The following RRAS variants were observed in gnomAD, a reference collection of about 807,000 sequenced individuals.
The protein encoded by RRAS is ras-related protein R-Ras.
RRAS carries 18 observed loss-of-function variants against 23.3 expected under a neutral mutation model. The observed-to-expected ratio is 0.77, with a 90% CI of 0.53 to 1.15. The LOEUF (loss-of-function observed/expected upper bound fraction) is 1.15. Among genes scored for constraint, RRAS ranks in the 50% most tolerant of loss-of-function variants. The pLI is 0.00. For missense variants in RRAS, 291 were observed against 317.1 expected (o/e 0.92, Z 0.62); for synonymous variants, 133 against 138.3 (o/e 0.96, Z 0.27).
chr19:49,635,579 C>T lies in RRAS; in HGVS notation c.654G>A (p.Leu218=), dbSNP rs200091732. The T allele has an allele frequency of 2.8e-6, 4 of 1,439,812 alleles. No homozygotes were observed. Among genetic ancestry groups the T allele is most frequent in the Non-Finnish European group, 3.7e-6 (4 of 1,088,100 alleles). 89.2% of individuals were successfully genotyped at this position (1,439,812 alleles called of 1,614,324 possible). A position where few individuals can be genotyped will look rare whatever the true frequency, so the allele number is the denominator to read the frequency against. ...GGTTGCTTCTCTCTTGCCTGGGCTA[C>T]AGGAGGACGCAGGGGCAGCCCCCGC... is the stretch of plus-strand genomic sequence containing the variant. The part of the protein sequence containing the change: ...KKGGGCPCVL[L] The change falls in exon 6 of 6, where the codon CTG becomes CTA. Residue 218 remains leucine (L), a synonymous_variant. Coordinates refer to ENST00000246792, the MANE Select transcript of RRAS (RefSeq NM_006270.5).
chr19:49,636,927 C>T lies in RRAS; in HGVS notation c.242-1G>A. On this transcript the variant is annotated splice_acceptor_variant, in intron 2 of 5. Coordinates refer to ENST00000246792, the MANE Select transcript of RRAS (RefSeq NM_006270.5). LOFTEE classifies it high-confidence loss of function. The surrounding 1 kb of genome is among the most constrained non-coding windows in gnomAD (Gnocchi z 4.5). ...TCTTCCTGGCCCGCGGTGTCCAGGA[C>T]TGCAGAGACAGGGAGAGGGGCCATC... 6.2e-7 allele frequency: 1 copy of T among 1,613,178 alleles called. No homozygotes were observed. The highest frequency in any genetic ancestry group is 8.5e-7 in the Non-Finnish European group (1 of 1,179,788).
chr19:49,637,008 C>T, intron 2 of RRAS, 35 bp downstream of exon 2: 1 of 1,608,774 alleles, frequency 6.2e-7, no homozygotes, highest in Non-Finnish European at 8.5e-7. Context: ...CCACTGACAC[C>T]ACCCCCATCC....
Position 49,640,030 on chromosome 19 carries a change from G to C in RRAS, c.69C>G (p.Asp23Glu). ...GCTTGTGTGTCTCGCTGGGCGGGGG[G>C]TCCCCGGGCCCAGGTCCCCCGCCCC... ...RPRGGGPGPG[D>E]PPPSETHKLV... Residue 23 changes from aspartate (D) to glutamate (E), a missense_variant, in exon 1 of 6, where the codon GAC (aspartate) becomes GAG (glutamate). Asp to Glu is a conservative substitution (Grantham distance 45). Transcript: ENST00000246792. 10 of 1,545,414 alleles carry C rather than the reference G, an allele frequency of 6.5e-6. No individual in the cohort carries two copies. Among genetic ancestry groups the C allele is most frequent in the Non-Finnish European group, 8.7e-6 (10 of 1,154,518 alleles).
At chr19:49,639,127 G>C (rs1400013768) in intron 1 of RRAS, among the ~76,000 whole-genome samples, 1 of 152,090 alleles carries the variant, frequency 6.6e-6, no homozygotes, top group Non-Finnish European at 1.5e-5. Flanking sequence ...AGTCATGGAA[G>C]GGGCTAAGAA....
rs567366910 is a variant in RRAS, at chr19:49,635,440, T to C, written c.*136A>G. ...CAGTAGCCCAGAAGAGGCCAGGAAG[T>C]AAGGGTGGGTATGTGATGTGTCCTG... On this transcript the variant is annotated 3_prime_UTR_variant, in exon 6 of 6. Transcript: ENST00000246792. The C allele has an allele frequency of 4.2e-5, 21 of 494,382 alleles. No individual in the cohort carries two copies. Among genetic ancestry groups the C allele is most frequent in the Non-Finnish European group, 7.2e-5 (21 of 290,686 alleles). 30.6% of individuals were successfully genotyped at this position (494,382 alleles called of 1,614,324 possible). A position where few individuals can be genotyped will look rare whatever the true frequency, so the allele number is the denominator to read the frequency against.
intron 2 of RRAS, 32 bp downstream of exon 2, chr19:49,637,011 C>G: frequency 6.2e-7 from 1 of 1,609,670 alleles, no homozygotes; most frequent in Non-Finnish European, 8.5e-7. Flanking sequence ...CTGACACCAC[C>G]CCCATCCATC....
Position 49,635,793 on chromosome 19 carries a change from G to T in RRAS, c.513C>A (p.Ala171=). The change falls in exon 5 of 6, where the codon GCC becomes GCA. Residue 171 remains alanine (A), a synonymous_variant. Coordinates refer to ENST00000246792, the MANE Select transcript of RRAS (RefSeq NM_006270.5). ...CCACGTTGAGACGCAGTTTGGCCGA[G>T]GCCTCAAAGTAGGCCACGTGGTGGG... ...GASHHVAYFE[A]SAKLRLNVDE... 6.3e-7 allele frequency: 1 copy of T among 1,599,862 alleles called. No homozygotes were observed. The highest frequency in any genetic ancestry group is 8.6e-7 in the Non-Finnish European group (1 of 1,169,332).
rs754516040 is a variant in RRAS at position 49,635,836 on chromosome 19, G to C, written c.470C>G (p.Ala157Gly). 6.3e-6 allele frequency: 10 copies of C among 1,580,802 alleles called. No individual in the cohort carries two copies. The highest frequency in any genetic ancestry group is 1.7e-4 in the Middle Eastern group (1 of 5,802). Residue 157 changes from alanine to glycine, a missense_variant, in exon 5 of 6, where the codon GCC becomes GGC. Physicochemically the swap from Ala to Gly is moderately conservative, Grantham distance 60. Coordinates refer to ENST00000246792, the MANE Select transcript of RRAS (RefSeq NM_006270.5). ...ESQRQVPRSE[A>G]SAFGASHHVA... ...GTGGTGGGAGGCGCCGAAGGCAGAG[G>C]CTTCTGATCGGGGGACCTGGGGGTA...
Position 49,636,834 on chromosome 19 carries a change from C to T in RRAS, c.334G>A (p.Asp112Asn), listed in dbSNP as rs754703800. The T allele has an allele frequency of 2.5e-6, 4 of 1,613,206 alleles. No homozygotes were observed. The highest frequency in any genetic ancestry group is 2.2e-5 in the East Asian group (1 of 44,898). The stretch of plus-strand genomic sequence containing the variant: ...AGCAACCCCTGTCACCTCTGCCGGT[C>T]GTTAATGGCGAACACCAGCAGGAAG... ...HGFLLVFAIN[D>N]RQSFNEVGKL... Residue 112 changes from aspartate (D) to asparagine (N), a missense_variant, in exon 3 of 6, where the codon GAC (aspartate) becomes AAC (asparagine). Physicochemically the swap from Asp to Asn is conservative, Grantham distance 23. Transcript: ENST00000246792. The surrounding 1 kb of genome is among the most constrained non-coding windows in gnomAD (Gnocchi z 4.5).
rs1354856207 is a variant in RRAS at position 49,640,057 on chromosome 19, G to A, written c.42C>T (p.Pro14=). 6.7e-7 allele frequency: 1 copy of A among 1,487,354 alleles called. No individual in the cohort carries two copies. The highest frequency in any genetic ancestry group is 1.5e-5 in the African/African-American group (1 of 68,620). The allele number at this position is 1,487,354 out of a possible 1,614,324, so 92.1% of individuals were successfully genotyped here. A position where few individuals can be genotyped will look rare whatever the true frequency, so the allele number is the denominator to read the frequency against. ...CCCCGGGCCCAGGTCCCCCGCCCCGGGGCCGCCCCCGCCCTGTCCCGGACG... is the reference window on the plus strand; with the variant it reads ...CCCCGGGCCCAGGTCCCCCGCCCCGAGGCCGCCCCCGCCCTGTCCCGGACG... ...GAASGTGRGR[P]RGGGPGPGDP... Residue 14 remains proline (P), a synonymous_variant, in exon 1 of 6, where the codon CCC becomes CCT. Coordinates refer to ENST00000246792, the MANE Select transcript of RRAS (RefSeq NM_006270.5).
At chr19:49,639,913 C>T (rs768385600) in intron 1 of RRAS, 33 bp downstream of exon 1, 22 of 1,551,048 alleles carry the variant, frequency 1.4e-5, no homozygotes, top group Middle Eastern at 1.7e-4. Context: ...TTCTGGGTCC[C>T]GGGGGACACC....
chr19:49,640,092 T>C lies in RRAS; in HGVS notation c.7A>G (p.Ser3Gly), dbSNP rs2081015877. The C allele has an allele frequency of 7.2e-7, 1 of 1,391,990 alleles. No individual in the cohort carries two copies. The highest frequency in any genetic ancestry group is 1.5e-5 in the African/African-American group (1 of 65,172). 86.2% of individuals were successfully genotyped at this position (1,391,990 alleles called of 1,614,324 possible). ...CGCCCTGTCCCGGACGCCGCCCCGCTGCTCATGTCGCCACCGCTGCTGCTG... is the reference window on the plus strand; with the variant it reads ...CGCCCTGTCCCGGACGCCGCCCCGCCGCTCATGTCGCCACCGCTGCTGCTG... Reference protein sequence around the residue: MSSGAASGTGRGR... With the variant: MSGGAASGTGRGR... Residue 3 changes from serine to glycine, a missense_variant, in exon 1 of 6, where the codon AGC becomes GGC. Ser to Gly is a moderately conservative substitution (Grantham distance 56). Transcript: ENST00000246792.
chr19:49,638,731 CT>C (rs2081008263), intron 1 of RRAS, among the ~76,000 whole-genome samples: 1 of 152,080 alleles, frequency 6.6e-6, no homozygotes, highest in Admixed American at 6.5e-5. Context: ...TATATACAGT[CT>C]TAGAAACATT....
Position 49,640,113 on chromosome 19 carries a change from T to G in RRAS, c.-15A>C. ...CCGCTGCTCATGTCGCCACCGCTGCTGCTGCCTTCGCTACCGCCTGCGGGG... is the reference window on the plus strand; with the variant it reads ...CCGCTGCTCATGTCGCCACCGCTGCGGCTGCCTTCGCTACCGCCTGCGGGG... On this transcript the variant is annotated 5_prime_UTR_variant, in exon 1 of 6. Transcript: ENST00000246792. 1 of 1,370,948 alleles carries G rather than the reference T, an allele frequency of 7.3e-7. No homozygotes were observed. The highest frequency in any genetic ancestry group is 9.3e-7 in the Non-Finnish European group (1 of 1,073,058). The allele number at this position is 1,370,948 out of a possible 1,614,324, so 84.9% of individuals were successfully genotyped here. A position where few individuals can be genotyped will look rare whatever the true frequency, so the allele number is the denominator to read the frequency against.
In RRAS at chr19:49,640,015, C is replaced by G; in HGVS notation, c.84G>C (p.Glu28Asp). 1 of 1,570,256 alleles carries G rather than the reference C, an allele frequency of 6.4e-7. No homozygotes were observed. Among genetic ancestry groups the G allele is most frequent in the Admixed American group, 1.8e-5 (1 of 56,672 alleles). ...CGCCCACGACCACCAGCTTGTGTGTCTCGCTGGGCGGGGGGTCCCCGGGCC... is the reference window on the plus strand; with the variant it reads ...CGCCCACGACCACCAGCTTGTGTGTGTCGCTGGGCGGGGGGTCCCCGGGCC... ...GPGPGDPPPS[E>D]THKLVVVGGG... The change falls in exon 1 of 6, where the codon GAG becomes GAC. Residue 28 changes from glutamate (E) to aspartate (D), a missense_variant. Physicochemically the swap from Glu to Asp is conservative, Grantham distance 45 (BLOSUM62 2). Transcript: ENST00000246792.
chr19:49,636,562 G>C lies in RRAS; in HGVS notation c.453+57C>G. ...GAGGATGCTGATGGGGGACAGGTGT[G>C]CTGGAAGGAGCCTCCCAGACTGAGA... is the stretch of plus-strand genomic sequence containing the variant. On this transcript the variant is annotated intron_variant, in intron 4 of 5. Transcript: ENST00000246792. This position sits in a 1 kb window ranked among gnomAD's most constrained non-coding sequence, Gnocchi z 4.5. 1 of 1,206,698 alleles carries C rather than the reference G, an allele frequency of 8.3e-7. No homozygotes were observed. The highest frequency in any genetic ancestry group is 2.3e-5 in the East Asian group (1 of 42,994). The allele number at this position is 1,206,698 out of a possible 1,614,324, so 74.7% of individuals were successfully genotyped here.
At position 49,636,127 on chromosome 19, in the gene RRAS, A is replaced by G. The variant is rs1245209582; in HGVS notation, c.454-275T>C. On this transcript the variant is annotated intron_variant, in intron 4 of 5. Coordinates refer to ENST00000246792, the MANE Select transcript of RRAS (RefSeq NM_006270.5). This position sits in a 1 kb window ranked among gnomAD's most constrained non-coding sequence, Gnocchi z 4.5. ...AAGTCAGGGTGTTCCCGGCAGAGGC[A>G]GGCGGAACCCCAAAGCCTGGAAATC... 1.3e-5 allele frequency among the ~76,000 whole-genome samples: 2 copies of G among 152,166 alleles called. No homozygotes were observed. The highest frequency in any genetic ancestry group is 2.9e-5 in the Non-Finnish European group (2 of 68,022).
rs1599813157 is a variant in RRAS at position 49,635,815 on chromosome 19, T to A, written c.491A>T (p.His164Leu). 1 of 1,249,046 alleles carries A rather than the reference T, an allele frequency of 8.0e-7. No homozygotes were observed. Among genetic ancestry groups the A allele is most frequent in the East Asian group, 5.3e-5 (1 of 18,920 alleles). The allele number at this position is 1,249,046 out of a possible 1,614,324, so 77.4% of individuals were successfully genotyped here. A position where few individuals can be genotyped will look rare whatever the true frequency, so the allele number is the denominator to read the frequency against. The change falls in exon 5 of 6, where the codon CAC becomes CTC. Residue 164 changes from histidine (H) to leucine (L), a missense_variant. Physicochemically the swap from His to Leu is moderately conservative, Grantham distance 99 (BLOSUM62 -3). Coordinates refer to ENST00000246792, the MANE Select transcript of RRAS (RefSeq NM_006270.5). ...CGAGGCCTCAAAGTAGGCCACGTGG[T>A]GGGAGGCGCCGAAGGCAGAGGCTTC... ...RSEASAFGAS[H>L]HVAYFEASAK...
intron 1 of RRAS, among the ~76,000 whole-genome samples, chr19:49,638,046 A>G (rs1013397014): frequency 1.3e-5 from 2 of 151,850 alleles, no homozygotes; most frequent in African/African-American, 4.8e-5. Flanking sequence ...GCCTGTTTAT[A>G]TCTCTCCCTC....
Sources: gnomAD v4.1 joint callset for allele counts (sites outside exome capture counted in the v4.1 genomes callset) on GRCh38, gnomAD v4.1.1 for gene constraint, Gnocchi (gnomAD v3.1) non-coding constraint, MANE v1.5 for transcripts, NCBI Gene and HGNC (gene_info 2026-07-23, HGNC 2026-07-21) for gene names.